The following PARD3B variants were observed in gnomAD, a reference collection of about 807,000 sequenced individuals.
PARD3B encodes the protein partitioning defective 3 homolog B.
A neutral mutation model predicts 130.2 loss-of-function variants in PARD3B; 103 were observed. That is an observed-to-expected ratio of 0.79 (90% CI 0.67 to 0.93). The LOEUF (loss-of-function observed/expected upper bound fraction) is 0.93. Ranked by LOEUF, PARD3B falls within the 40% of genes least tolerant of loss-of-function variation. The probability of loss-of-function intolerance (pLI) is 0.00; values close to 1 mark genes in which losing one functional copy is unlikely to be tolerated. For synonymous variants in PARD3B, 583 were observed against 553.2 expected, an observed-to-expected ratio of 1.05 and a Z score of -0.76; for missense variants, 1,609 against 1,499.2, an observed-to-expected ratio of 1.07 and a Z score of -1.21.
intron 3 of PARD3B, among the ~76,000 whole-genome samples, chr2:204,981,987 A>G (rs1692708054): frequency 6.6e-6 from 1 of 152,182 alleles, no homozygotes; most frequent in East Asian, 1.9e-4. Flanking sequence ...GTGTATGTAC[A>G]CACACACATA....
intron 19 of PARD3B, among the ~76,000 whole-genome samples, chr2:205,431,744 C>T (rs1467104636): frequency 6.6e-6 from 1 of 152,140 alleles, no homozygotes; most frequent in Non-Finnish European, 1.5e-5. Flanking sequence ...CCTGGGATTA[C>T]AGACGTGAGC....
chr2:205,442,079 T>C (rs972873521), intron 20 of PARD3B, among the ~76,000 whole-genome samples: 7 of 152,100 alleles, frequency 4.6e-5, no homozygotes, highest in African/African-American at 9.7e-5. Context: ...CTTCCCTAAA[T>C]TAGATAGGTC....
At chr2:205,594,819 A>G (rs1050649729) in intron 22 of PARD3B, among the ~76,000 whole-genome samples, 2 of 152,154 alleles carry the variant, frequency 1.3e-5, no homozygotes, top group African/African-American at 4.8e-5. Context: ...GTAGAGTAGG[A>G]CATTTAGGGT....
chr2:205,391,945 C>A (rs1387606885), intron 18 of PARD3B, among the ~76,000 whole-genome samples: 1 of 152,082 alleles, frequency 6.6e-6, no homozygotes, highest in Admixed American at 6.6e-5. Context: ...AAAGCAATAT[C>A]CAGTGTCTAA....
rs1021705826 is a variant in PARD3B at position 204,967,376 on chromosome 2, C to T, written c.394+2053C>T. 5.9e-5 allele frequency among the ~76,000 whole-genome samples: 9 copies of T among 152,208 alleles called. No homozygotes were observed. The highest frequency in any genetic ancestry group is 1.9e-4 in the African/African-American group (8 of 41,450). ...ATTAGACTATTGCAGAGGCCTCAGA[C>T]TGACCTCTTTCTTTACACTGTGTGC... On this transcript the variant is annotated intron_variant, in intron 3 of 22. Coordinates refer to ENST00000406610, the MANE Select transcript of PARD3B (RefSeq NM_001302769.2). This position sits in a 1 kb window ranked among gnomAD's most constrained non-coding sequence, Gnocchi z 4.4.
intron 2 of PARD3B, among the ~76,000 whole-genome samples, chr2:204,820,071 CTTTT>C (rs557143420): frequency 1.0e-5 from 1 of 98,424 alleles, no homozygotes; most frequent in African/African-American, 4.5e-5. Flanking sequence ...AAACAATAGA[CTTTT>C]TTTTTTTTTT....
intron 2 of PARD3B, among the ~76,000 whole-genome samples, chr2:204,687,813 C>T (rs891873148): frequency 6.6e-6 from 1 of 152,078 alleles, no homozygotes; most frequent in African/African-American, 2.4e-5. Context: ...TTAAATTTCA[C>T]TGATGTCCAG....
intron 22 of PARD3B, among the ~76,000 whole-genome samples, chr2:205,561,185 C>G (rs1025464885): frequency 5.3e-5 from 8 of 152,142 alleles, no homozygotes; most frequent in Admixed American, 1.3e-4. Flanking sequence ...TCAGATTTCT[C>G]TTGTTCTCTT....
chr2:204,715,463 T>C (rs985210979), intron 2 of PARD3B, among the ~76,000 whole-genome samples: 1 of 152,068 alleles, frequency 6.6e-6, no homozygotes, highest in African/African-American at 2.4e-5. Context: ...TCAACTTTTT[T>C]CTAAAGCAGA....
At chr2:205,311,053 C>T (rs2042370601) in intron 18 of PARD3B, among the ~76,000 whole-genome samples, 1 of 152,090 alleles carries the variant, frequency 6.6e-6, no homozygotes, top group Non-Finnish European at 1.5e-5. Context: ...GTGTTTATAC[C>T]ACATTTCTTT....
At chr2:205,054,422 ATATATATATATATATTTTT>A (rs1388294032) in intron 4 of PARD3B, among the ~76,000 whole-genome samples, 9 of 19,602 alleles carry the variant, frequency 4.6e-4, no homozygotes, top group East Asian at 2.8e-3. Context: ...ATATATATAT[ATATATATATATATATTTTT>A]TTTTTTTTTT....
At chr2:204,762,008 G>A (rs1199273251) in intron 2 of PARD3B, among the ~76,000 whole-genome samples, 1 of 151,376 alleles carries the variant, frequency 6.6e-6, no homozygotes, top group African/African-American at 2.4e-5. Context: ...AATATCTAAG[G>A]AAAATGTCTC....
At chr2:205,303,789 A>G (rs926672338) in intron 18 of PARD3B, among the ~76,000 whole-genome samples, 1 of 152,194 alleles carries the variant, frequency 6.6e-6, no homozygotes, top group Non-Finnish European at 1.5e-5. Flanking sequence ...GTGGGGTGAC[A>G]ATCTCCTATT....
chr2:205,025,952 C>G (rs1361138836), intron 3 of PARD3B, among the ~76,000 whole-genome samples: 1 of 152,210 alleles, frequency 6.6e-6, no homozygotes, highest in Non-Finnish European at 1.5e-5. Context: ...CCTGTCACAA[C>G]TACCTCTGTT....
chr2:205,533,328 G>A (rs550575569), intron 21 of PARD3B, among the ~76,000 whole-genome samples: 11 of 152,242 alleles, frequency 7.2e-5, no homozygotes, highest in South Asian at 6.2e-4. Context: ...GTTTTATACC[G>A]TGATGACAGA....
intron 22 of PARD3B, among the ~76,000 whole-genome samples, chr2:205,556,030 C>G (rs1329995469): frequency 6.6e-6 from 1 of 152,122 alleles, no homozygotes. Flanking sequence ...TCTTGTCTTT[C>G]CCCCTGGAGA....
At chr2:205,537,393 TTC>T (rs2051911253) in intron 21 of PARD3B, among the ~76,000 whole-genome samples, 1 of 152,220 alleles carries the variant, frequency 6.6e-6, no homozygotes, top group African/African-American at 2.4e-5. Context: ...TGGTTTCTTT[TTC>T]TTTTTTTCTC....
rs114103085 is a variant in PARD3B at position 204,854,041 on chromosome 2, A to G, written c.223-111111A>G. On this transcript the variant is annotated intron_variant, in intron 2 of 22. Transcript: ENST00000406610. ...GAGCAAGGAGTAGGGCATTTTTGGT[A>G]GAGAGAGGAGCATTTGCGAAGATCC... 5.9e-3 allele frequency among the ~76,000 whole-genome samples: 899 copies of G among 152,238 alleles called. 10 individuals are homozygous for G. Among genetic ancestry groups the G allele is most frequent in the African/African-American group, 0.021 (868 of 41,552 alleles).
intron 2 of PARD3B, among the ~76,000 whole-genome samples, chr2:204,917,513 A>G (rs893481524): frequency 1.3e-4 from 20 of 152,166 alleles, no homozygotes; most frequent in Non-Finnish European, 2.2e-4. Context: ...GAGCTGGGGA[A>G]TTCTATGGGA....
Sources: allele counts gnomAD v4.1 joint callset (sites outside exome capture counted in the v4.1 genomes callset), GRCh38; gene constraint gnomAD v4.1.1; non-coding constraint Gnocchi (gnomAD v3.1); transcripts MANE v1.5; gene names NCBI Gene and HGNC (gene_info 2026-07-23, HGNC 2026-07-21).